The following NKAIN3 variants were observed in gnomAD, a reference collection of about 807,000 sequenced individuals.
NKAIN3 encodes sodium/potassium-transporting ATPase subunit beta-1-interacting protein 3.
A neutral mutation model predicts 30.2 loss-of-function variants in NKAIN3; 25 were observed. The ratio of observed to expected loss-of-function variants is 0.83; its 90% CI spans 0.60 to 1.16. NKAIN3 has a LOEUF of 1.16. Among genes scored for constraint, NKAIN3 ranks in the 50% most tolerant of loss-of-function variants. The pLI, the probability that NKAIN3 is intolerant of heterozygous loss-of-function variation, is 0.00. For missense variants in NKAIN3, 225 were observed against 254.1 expected (o/e 0.89, Z 0.78); for synonymous variants, 91 against 89.6 (o/e 1.02, Z -0.09).
chr8:62,399,809 G>T (rs1817878874), intron 1 of NKAIN3, among the ~76,000 whole-genome samples: 1 of 152,150 alleles, frequency 6.6e-6, no homozygotes, highest in Non-Finnish European at 1.5e-5. Flanking sequence ...GAGCAGTGAG[G>T]AAATGGAGAG....
intron 4 of NKAIN3, among the ~76,000 whole-genome samples, chr8:62,898,593 A>T (rs1179054985): frequency 1.3e-5 from 2 of 152,084 alleles, no homozygotes; most frequent in Non-Finnish European, 2.9e-5. Flanking sequence ...GGTGATTTTT[A>T]AAAAACTACA....
At chr8:62,636,973 AT>A (rs1369524893) in intron 3 of NKAIN3, among the ~76,000 whole-genome samples, 13 of 152,188 alleles carry the variant, frequency 8.5e-5, no homozygotes, top group African/African-American at 2.9e-4. Flanking sequence ...GAGCTTTCTT[AT>A]TTTACGTGAA....
intron 4 of NKAIN3, among the ~76,000 whole-genome samples, chr8:62,851,444 T>G (rs866695421): frequency 2.0e-5 from 3 of 152,188 alleles, no homozygotes; most frequent in Non-Finnish European, 4.4e-5. Context: ...TGAATACCCT[T>G]TATTTCCTTC....
intron 4 of NKAIN3, among the ~76,000 whole-genome samples, chr8:62,897,819 T>C (rs1016701956): frequency 5.3e-5 from 8 of 152,216 alleles, no homozygotes; most frequent in Middle Eastern, 3.4e-3. Flanking sequence ...CTTGGTTTCA[T>C]TCTCCCTCCA....
chr8:62,900,786 C>T (rs1821590899), intron 4 of NKAIN3, among the ~76,000 whole-genome samples: 1 of 152,174 alleles, frequency 6.6e-6, no homozygotes, highest in African/African-American at 2.4e-5. Context: ...TTACCCAAGG[C>T]TCACTCTAAT....
At chr8:62,776,888 A>G (rs776851346) in intron 4 of NKAIN3, among the ~76,000 whole-genome samples, 1 of 152,184 alleles carries the variant, frequency 6.6e-6, no homozygotes, top group Non-Finnish European at 1.5e-5. Flanking sequence ...TTGTCAAAAA[A>G]GTCTGGTGTT....
chr8:62,928,028 C>T (rs945448062), intron 5 of NKAIN3, among the ~76,000 whole-genome samples: 1 of 152,098 alleles, frequency 6.6e-6, no homozygotes, highest in African/African-American at 2.4e-5. Flanking sequence ...ATATGGAACA[C>T]TCATCTTCAT....
chr8:62,540,377 C>T (rs1808800012), intron 1 of NKAIN3, among the ~76,000 whole-genome samples: 1 of 152,156 alleles, frequency 6.6e-6, no homozygotes, highest in Non-Finnish European at 1.5e-5. Context: ...ATAAGTAAAT[C>T]ATAATTTTTG....
intron 1 of NKAIN3, among the ~76,000 whole-genome samples, chr8:62,417,131 T>G (rs1433344307): frequency 1.3e-5 from 2 of 151,982 alleles, no homozygotes; most frequent in Admixed American, 6.6e-5. Context: ...TGACTACCCT[T>G]GCCAGCCTCT....
intron 4 of NKAIN3, among the ~76,000 whole-genome samples, chr8:62,783,870 C>T (rs1423962614): frequency 6.6e-6 from 1 of 151,956 alleles, no homozygotes; most frequent in Non-Finnish European, 1.5e-5. Context: ...TTCTCAAACT[C>T]CTGAGCTCAA....
At chr8:62,336,301 C>T (rs866638104) in intron 1 of NKAIN3, among the ~76,000 whole-genome samples, 46 of 152,134 alleles carry the variant, frequency 3.0e-4, no homozygotes, top group Admixed American at 2.3e-3. Flanking sequence ...AACCAGTTGG[C>T]GCTTTCTCCA....
intron 3 of NKAIN3, among the ~76,000 whole-genome samples, chr8:62,739,790 G>T (rs1291617837): frequency 6.6e-6 from 1 of 152,084 alleles, no homozygotes; most frequent in Non-Finnish European, 1.5e-5. Context: ...GCAATACCTA[G>T]TTGTAAAGAT....
intron 1 of NKAIN3, among the ~76,000 whole-genome samples, chr8:62,544,776 A>G (rs959986353): frequency 3.9e-5 from 6 of 152,186 alleles, no homozygotes; most frequent in Admixed American, 6.6e-5. Flanking sequence ...AAAAATTTGC[A>G]TATAACTTTT....
chr8:62,729,755 C>T (rs1815408460), intron 3 of NKAIN3, among the ~76,000 whole-genome samples: 1 of 151,988 alleles, frequency 6.6e-6, no homozygotes. Flanking sequence ...AATTTATTTC[C>T]ACTTCACATA....
chr8:62,580,064 C>CA (rs774906290), intron 2 of NKAIN3, among the ~76,000 whole-genome samples: 2 of 152,032 alleles, frequency 1.3e-5, no homozygotes, highest in Non-Finnish European at 2.9e-5. Context: ...TCACTAACTC[C>CA]AAAAAACAAA....
intron 1 of NKAIN3, among the ~76,000 whole-genome samples, chr8:62,370,271 A>G (rs1346220588): frequency 3.3e-5 from 5 of 152,040 alleles, no homozygotes; most frequent in Non-Finnish European, 7.4e-5. Flanking sequence ...CATTGACTAC[A>G]AACCAGACCA....
At chr8:62,448,012 C>T (rs1486442870) in intron 1 of NKAIN3, among the ~76,000 whole-genome samples, 1 of 151,874 alleles carries the variant, frequency 6.6e-6, no homozygotes, top group Non-Finnish European at 1.5e-5. Context: ...GAAAGGAAAT[C>T]ACCTTGATAA....
At position 62,973,567 on chromosome 8, in the gene NKAIN3, C is replaced by G. The variant is rs1823879748; in HGVS notation, c.*8160C>G. 6.6e-6 allele frequency among the ~76,000 whole-genome samples: 1 copy of G among 152,038 alleles called. No homozygotes were observed. The highest frequency in any genetic ancestry group is 1.5e-5 in the Non-Finnish European group (1 of 68,006). On this transcript the variant is annotated 3_prime_UTR_variant, in exon 7 of 7. Coordinates refer to ENST00000623646, the MANE Select transcript of NKAIN3 (RefSeq NM_001304533.3). ...TCCTTGTAGATTCTGGATATTAGCC[C>G]TTTGTCAGATGGATAGGTTGCAAAA...
intron 1 of NKAIN3, among the ~76,000 whole-genome samples, chr8:62,536,498 T>C (rs1240478303): frequency 2.0e-5 from 3 of 152,072 alleles, no homozygotes; most frequent in Admixed American, 6.6e-5. Flanking sequence ...TCTAAGATAT[T>C]GTCTGTAGAA....
Sources: allele counts gnomAD v4.1 joint callset (sites outside exome capture counted in the v4.1 genomes callset), GRCh38; gene constraint gnomAD v4.1.1; transcripts MANE v1.5; gene names NCBI Gene and HGNC (gene_info 2026-07-23, HGNC 2026-07-21).